The following INTS12 variants were observed in gnomAD, a reference collection of about 807,000 sequenced individuals.
The protein encoded by INTS12 is PHD finger protein 22.
Under a neutral mutation model 41.6 loss-of-function variants are expected in INTS12, and 13 were observed. The ratio of observed to expected loss-of-function variants is 0.31; its 90% CI spans 0.20 to 0.50. INTS12 has a LOEUF of 0.50. Ranked by LOEUF, INTS12 falls within the 20% of genes least tolerant of loss-of-function variation. The pLI is 0.98. For missense variants in INTS12, 432 were observed against 541.6 expected (o/e 0.80, Z 2.01); for synonymous variants, 199 against 191.4 (o/e 1.04, Z -0.33).
At chr4:105,690,110 G>C (rs979426371) in intron 6 of INTS12, among the ~76,000 whole-genome samples, 5 of 152,112 alleles carry the variant, frequency 3.3e-5, no homozygotes, top group African/African-American at 9.7e-5. Context: ...GAAAATATGG[G>C]AACATGAAAG....
intron 6 of INTS12, chr4:105,687,132 C>T (rs1437040519): frequency 2.9e-6 from 1 of 339,564 alleles, no homozygotes; most frequent in Non-Finnish European, 5.5e-6. Context: ...AGCAAAATCA[C>T]AAACTATATG....
chr4:105,708,280 T>G, intron 1 of INTS12: 8 of 985,402 alleles, frequency 8.1e-6, no homozygotes, highest in Non-Finnish European at 9.6e-6. Flanking sequence ...ATCGAAGTCC[T>G]AGAATGGGGG....
chr4:105,693,596 G>T, intron 4 of INTS12, 110 bp from the exon 5 acceptor site: 1 of 802,686 alleles, frequency 1.2e-6, no homozygotes, highest in Non-Finnish European at 2.0e-6. Context: ...CCATTTTACA[G>T]ATATATTCAC....
intron 1 of INTS12, chr4:105,706,004 T>C (rs1252914690): frequency 2.0e-5 from 3 of 152,190 alleles, no homozygotes; most frequent in Non-Finnish European, 4.4e-5. Flanking sequence ...TGTTATCTAC[T>C]TCCAATTTCA....
At chr4:105,702,517 A>T (rs17036125) in intron 2 of INTS12, among the ~76,000 whole-genome samples, 8,164 of 152,130 alleles carry the variant, frequency 0.054, 251 homozygotes, top group Middle Eastern at 0.14. Context: ...TTGATCTTTA[A>T]CCTCAAGGAG....
Position 105,700,012 on chromosome 4 carries a change from CGCCT to C in INTS12, c.-9-2_-8del. 6.8e-7 allele frequency: 1 copy of C among 1,464,904 alleles called. No homozygotes were observed. The highest frequency in any genetic ancestry group is 2.1e-5 in the Admixed American group (1 of 47,034). The allele number at this position is 1,464,904 out of a possible 1,614,324, so 90.7% of individuals were successfully genotyped here. A position where few individuals can be genotyped will look rare whatever the true frequency, so the allele number is the denominator to read the frequency against. The stretch of plus-strand genomic sequence containing the variant: ...AGTTCACAGTAGCAGCCATTGCAAA[CGCCT>C]GAAGGAAAAAAAGAGAAAGTAATCT... On this transcript the variant is annotated splice_acceptor_variant and 5_prime_UTR_variant, in exon 3 of 8. Coordinates refer to ENST00000340139, the MANE Select transcript of INTS12 (RefSeq NM_020395.4). LOFTEE classifies it low-confidence loss of function (5UTR_SPLICE).
chr4:105,696,232 T>C (rs1731862184), intron 3 of INTS12, among the ~76,000 whole-genome samples: 1 of 152,186 alleles, frequency 6.6e-6, no homozygotes, highest in Non-Finnish European at 1.5e-5. Flanking sequence ...ACAATCAACA[T>C]AATGAACATA....
chr4:105,694,841 T>C (rs940990812), intron 4 of INTS12, among the ~76,000 whole-genome samples: 1 of 152,202 alleles, frequency 6.6e-6, no homozygotes, highest in Non-Finnish European at 1.5e-5. Flanking sequence ...CCAAGAATCA[T>C]CTTTGGCACT....
chr4:105,696,006 C>T (rs1731851077), intron 3 of INTS12, among the ~76,000 whole-genome samples: 1 of 152,004 alleles, frequency 6.6e-6, no homozygotes, highest in Non-Finnish European at 1.5e-5. Context: ...GGTGCACCAC[C>T]ACACCCGGCT....
Position 105,683,286 on chromosome 4 carries a change from C to G in INTS12, c.836G>C (p.Ser279Thr). ...TSTVISGNSSSASVSSSVTSG... is the reference protein window; with the variant it reads ...TSTVISGNSSTASVSSSVTSG... ...AGTTACTGACGAGGAAACGCTGGCA[C>G]TAGAAGAATTTCCTGAAATAACTGT... The change falls in exon 8 of 8, where the codon AGT becomes ACT. Residue 279 changes from serine to threonine, a missense_variant. Physicochemically the swap from Ser to Thr is moderately conservative, Grantham distance 58. Coordinates refer to ENST00000340139, the MANE Select transcript of INTS12 (RefSeq NM_020395.4). 1 of 1,612,038 alleles carries G rather than the reference C, an allele frequency of 6.2e-7. No individual in the cohort carries two copies. The highest frequency in any genetic ancestry group is 2.2e-5 in the East Asian group (1 of 44,864).
chr4:105,694,678 G>C (rs1342790942), intron 4 of INTS12, among the ~76,000 whole-genome samples: 1 of 152,080 alleles, frequency 6.6e-6, no homozygotes, highest in Non-Finnish European at 1.5e-5. Flanking sequence ...TGTAGTTTAT[G>C]AATAGCCACT....
chr4:105,704,961 T>C (rs1469101407), intron 1 of INTS12, among the ~76,000 whole-genome samples: 1 of 152,206 alleles, frequency 6.6e-6, no homozygotes, highest in Non-Finnish European at 1.5e-5. Flanking sequence ...ACAATCACTC[T>C]TGTCATCCCT....
intron 1 of INTS12, chr4:105,705,765 C>T (rs1466301096): frequency 6.6e-6 from 1 of 152,260 alleles, no homozygotes; most frequent in Non-Finnish European, 1.5e-5. Flanking sequence ...TTTTCCTGCA[C>T]ATTCCCTCAA....
chr4:105,691,279 CATT>C (rs1450475625), intron 6 of INTS12, among the ~76,000 whole-genome samples: 2 of 152,188 alleles, frequency 1.3e-5, no homozygotes, highest in Admixed American at 6.5e-5. Context: ...GAGAATAAGA[CATT>C]ATGGCAATTT....
intron 1 of INTS12, chr4:105,708,273 G>A: frequency 2.0e-6 from 2 of 985,394 alleles, no homozygotes; most frequent in Non-Finnish European, 2.4e-6. Flanking sequence ...ATCACACATC[G>A]AAGTCCTAGA....
chr4:105,695,173 C>T (rs974398559), intron 4 of INTS12, among the ~76,000 whole-genome samples: 2 of 152,006 alleles, frequency 1.3e-5, no homozygotes, highest in South Asian at 4.2e-4. Flanking sequence ...AAGCAGTCTA[C>T]CTGCCTCGGC....
chr4:105,699,594 G>C (rs1731986717), intron 3 of INTS12, among the ~76,000 whole-genome samples: 1 of 152,118 alleles, frequency 6.6e-6, no homozygotes, highest in Non-Finnish European at 1.5e-5. Flanking sequence ...GGAAATTAAA[G>C]TAAGTCGTAA....
At chr4:105,695,728 A>T in intron 3 of INTS12, 60 bp from the exon 4 acceptor site, 1 of 1,306,584 alleles carries the variant, frequency 7.7e-7, no homozygotes. Flanking sequence ...ATAAAAAAAG[A>T]TCATTAATAT....
intron 2 of INTS12, among the ~76,000 whole-genome samples, chr4:105,701,905 A>T (rs1445257610): frequency 6.6e-6 from 1 of 152,152 alleles, no homozygotes; most frequent in Non-Finnish European, 1.5e-5. Context: ...TACATTACAG[A>T]TTAGGTGACA....
Sources: allele counts gnomAD v4.1 joint callset (sites outside exome capture counted in the v4.1 genomes callset), GRCh38; gene constraint gnomAD v4.1.1; transcripts MANE v1.5; gene names NCBI Gene and HGNC (gene_info 2026-07-23, HGNC 2026-07-21).